Variants in FRMPD4 observed in about 807,000 individuals in gnomAD.
FRMPD4 encodes the protein FERM and PDZ domain-containing protein 4.
FRMPD4 carries 22 observed loss-of-function variants against 94.1 expected under a neutral mutation model. The observed-to-expected ratio is 0.23, with a 90% confidence interval of 0.17 to 0.33. The LOEUF (loss-of-function observed/expected upper bound fraction) is 0.33. FRMPD4 is among the 10% of genes least tolerant of loss of function. The probability of loss-of-function intolerance (pLI) is 1.00; values close to 1 mark genes in which losing one functional copy is unlikely to be tolerated. For synonymous variants in FRMPD4, 631 were observed against 548.6 expected (o/e 1.15, Z -2.10); for missense variants, 1,111 against 1,339.9 (o/e 0.83, Z 2.67).
intron 2 of FRMPD4, among the ~76,000 whole-genome samples, chrX:12,522,397 A>G (rs1358445903): frequency 2.7e-5 from 3 of 111,266 alleles, no homozygotes; most frequent in African/African-American, 9.8e-5. Context: ...AAACAAGGTC[A>G]AAAAGCCATT....
chrX:11,871,028 C>T (rs899933543), intron 2 of FRMPD4, among the ~76,000 whole-genome samples: 1 of 112,649 alleles, frequency 8.9e-6, no homozygotes. Flanking sequence ...GGGGCCTGTG[C>T]TGCAAGCACC....
chrX:12,421,877 T>C (rs1359999131), intron 1 of FRMPD4, among the ~76,000 whole-genome samples: 1 of 110,821 alleles, frequency 9.0e-6, no homozygotes, highest in African/African-American at 3.3e-5. Flanking sequence ...GTTCCGGTTC[T>C]TGCCTTGGAT....
At chrX:12,681,618 A>G (rs2059972603) in intron 5 of FRMPD4, among the ~76,000 whole-genome samples, 1 of 110,360 alleles carries the variant, frequency 9.1e-6, no homozygotes, top group African/African-American at 3.3e-5. Context: ...ACTCACAGCA[A>G]AGGATGGGAT....
intron 4 of FRMPD4, among the ~76,000 whole-genome samples, chrX:12,652,774 C>A (rs780001649): frequency 9.0e-6 from 1 of 111,560 alleles, no homozygotes; most frequent in Non-Finnish European, 1.9e-5. Context: ...CTCCTTGGAC[C>A]AGAAGGCTGC....
At chrX:12,337,801 A>G (rs1189625760) in intron 1 of FRMPD4, among the ~76,000 whole-genome samples, 2 of 112,661 alleles carry the variant, frequency 1.8e-5, no homozygotes, top group Admixed American at 9.4e-5. Flanking sequence ...ATAAAATAAT[A>G]TTATTTCATT....
At chrX:12,043,919 T>TAA (rs972007810) in intron 3 of FRMPD4, among the ~76,000 whole-genome samples, 1 of 112,048 alleles carries the variant, frequency 8.9e-6, no homozygotes, top group Admixed American at 9.5e-5. Context: ...TTTTTTAGTG[T>TAA]AAAAAATATC....
chrX:12,357,575 T>G (rs2055913400), intron 1 of FRMPD4, among the ~76,000 whole-genome samples: 1 of 112,083 alleles, frequency 8.9e-6, no homozygotes, highest in South Asian at 3.8e-4. Context: ...AATGAAACTG[T>G]AGATCATACA....
At chrX:12,673,988 A>G (rs1465950084) in intron 4 of FRMPD4, among the ~76,000 whole-genome samples, 4 of 112,107 alleles carry the variant, frequency 3.6e-5, no homozygotes, top group Non-Finnish European at 7.5e-5. Flanking sequence ...ATAAATCAGA[A>G]AAGCAGGTAA....
At chrX:12,125,929 A>G (rs1008429378) in intron 3 of FRMPD4, among the ~76,000 whole-genome samples, 1 of 111,702 alleles carries the variant, frequency 9.0e-6, no homozygotes, top group African/African-American at 3.3e-5. Context: ...CTGTTCCCTC[A>G]GTTTTCTCTC....
At chrX:12,298,035 C>T (rs2054800054) in intron 1 of FRMPD4, among the ~76,000 whole-genome samples, 1 of 111,971 alleles carries the variant, frequency 8.9e-6, no homozygotes, top group South Asian at 3.8e-4. Context: ...GGATCCTGAA[C>T]TTTCTCCTTT....
intron 1 of FRMPD4, among the ~76,000 whole-genome samples, chrX:12,306,102 A>C (rs1251598458): frequency 9.3e-6 from 1 of 107,518 alleles, no homozygotes; most frequent in African/African-American, 3.4e-5. Flanking sequence ...AAAAAACAAA[A>C]CCCCCCAAAA....
intron 1 of FRMPD4, among the ~76,000 whole-genome samples, chrX:12,180,026 G>A (rs763302615): frequency 2.2e-4 from 24 of 110,447 alleles, no homozygotes; most frequent in African/African-American, 5.3e-4. Flanking sequence ...AGAAATGAGG[G>A]AATTCTCTTG....
At chrX:11,976,397 AAATCAT>A (rs1369671975) in intron 3 of FRMPD4, among the ~76,000 whole-genome samples, 1 of 112,421 alleles carries the variant, frequency 8.9e-6, no homozygotes. Flanking sequence ...TTCCTTTAAA[AAATCAT>A]GCAGCTTTGA....
chrX:12,610,037 T>G (rs985004818), intron 3 of FRMPD4, among the ~76,000 whole-genome samples, 156 bp downstream of exon 3: 6 of 112,250 alleles, frequency 5.3e-5, no homozygotes, highest in Admixed American at 9.4e-5. Flanking sequence ...ACAGAAATGC[T>G]TCCTCAAACT....
intron 8 of FRMPD4, among the ~76,000 whole-genome samples, chrX:12,692,739 G>A (rs753665975): frequency 3.7e-4 from 42 of 112,279 alleles, no homozygotes; most frequent in South Asian, 1.5e-3. Flanking sequence ...GATGGCTTAT[G>A]GAAAATTCAA....
At chrX:11,972,263 T>C (rs1569135183) in intron 3 of FRMPD4, among the ~76,000 whole-genome samples, 1 of 111,654 alleles carries the variant, frequency 9.0e-6, no homozygotes, top group Non-Finnish European at 1.9e-5. Context: ...GGACATCCAA[T>C]ACACTGAACA....
At chrX:12,362,668 G>C (rs762859362) in intron 1 of FRMPD4, among the ~76,000 whole-genome samples, 4 of 111,440 alleles carry the variant, frequency 3.6e-5, no homozygotes, top group Non-Finnish European at 7.5e-5. Flanking sequence ...ATAAACATAC[G>C]TGTGCATGTG....
chrX:12,688,988 C>A (rs1286393777), intron 7 of FRMPD4, among the ~76,000 whole-genome samples: 2 of 110,699 alleles, frequency 1.8e-5, no homozygotes, highest in African/African-American at 6.6e-5. Context: ...TACTGTGGGG[C>A]TGTCTCTGCA....
chrX:12,393,013 A>C (rs2056497667), intron 1 of FRMPD4, among the ~76,000 whole-genome samples: 1 of 112,490 alleles, frequency 8.9e-6, no homozygotes, highest in African/African-American at 3.2e-5. Context: ...CAAACTTAGG[A>C]GTTCATGGAT....
Sources: allele counts gnomAD v4.1 joint callset (sites outside exome capture counted in the v4.1 genomes callset), GRCh38; gene constraint gnomAD v4.1.1; transcripts MANE v1.5; gene names NCBI Gene and HGNC (gene_info 2026-07-23, HGNC 2026-07-21).